Variants in TSC2 observed in about 807,000 individuals in gnomAD.
The protein encoded by TSC2 is tuberin.
Under a neutral mutation model 202.2 loss-of-function variants are expected in TSC2, and 29 were observed. The observed-to-expected ratio is 0.14, with a 90% confidence interval of 0.11 to 0.20. The LOEUF is 0.20. TSC2 is among the 10% of genes least tolerant of loss of function. The pLI is 1.00. For missense variants in TSC2, 2,429 were observed against 2,420.0 expected (o/e 1.00, Z -0.08); for synonymous variants, 1,349 against 1,044.0 (o/e 1.29, Z -5.63).
rs1205521065 is a variant in TSC2, at chr16:2,077,797, T to C, written c.2966+71T>C. ...CCGTGAGCACCTGGGTGGCAGTGCATGGGGCTGCTTGCATGACCTCATCGT... is the reference window on the plus strand; with the variant it reads ...CCGTGAGCACCTGGGTGGCAGTGCACGGGGCTGCTTGCATGACCTCATCGT... On this transcript the variant is annotated intron_variant, in intron 26 of 41. Coordinates refer to ENST00000219476, the MANE Select transcript of TSC2 (RefSeq NM_000548.5). 5 of 1,598,890 alleles carry C rather than the reference T, an allele frequency of 3.1e-6. No individual in the cohort carries two copies. The African/African-American group carries it at 6.7e-5, about 21-fold the overall frequency.
chr16:2,083,238 T>C, intron 32 of TSC2: 1 of 461,168 alleles, frequency 2.2e-6, no homozygotes, highest in Non-Finnish European at 4.3e-6. Context: ...GCTGTGGGTC[T>C]GGCTTGGAGT....
chr16:2,051,988 T>C (rs572688531), intron 3 of TSC2, among the ~76,000 whole-genome samples: 1 of 152,062 alleles, frequency 6.6e-6, no homozygotes, highest in Non-Finnish European at 1.5e-5. Flanking sequence ...TCGCTTAAAC[T>C]CAGGAGGCAG....
chr16:2,055,605 A>C (rs2085692011), intron 6 of TSC2, 86 bp downstream of exon 6: 9 of 1,332,034 alleles, frequency 6.8e-6, no homozygotes, highest in East Asian at 2.3e-5. Flanking sequence ...AAAAAAATAG[A>C]GGTTGGGCTG....
chr16:2,086,632 G>T, intron 37 of TSC2, 100 bp from the exon 38 acceptor site: 1 of 1,562,828 alleles, frequency 6.4e-7, no homozygotes. Flanking sequence ...GTCCCCGCAG[G>T]CCCCCAGAGC....
At chr16:2,062,211 C>G (rs1252993977) in intron 12 of TSC2, among the ~76,000 whole-genome samples, 1 of 152,248 alleles carries the variant, frequency 6.6e-6, no homozygotes, top group Non-Finnish European at 1.5e-5. Flanking sequence ...CATCAGTTTC[C>G]TCCCACCTGT....
chr16:2,088,021 C>A (rs2151618478), intron 39 of TSC2, 27 bp from the exon 40 acceptor site: 3 of 1,611,534 alleles, frequency 1.9e-6, no homozygotes, highest in Non-Finnish European at 2.5e-6. Flanking sequence ...GAGCCCTGGG[C>A]CTGGCGTGAC....
At chr16:2,064,880 G>C in intron 15 of TSC2, 1 of 247,004 alleles carries the variant, frequency 4.0e-6, no homozygotes, top group Non-Finnish European at 7.9e-6. Flanking sequence ...TTGGGAGGCT[G>C]AGGCAGGTGG....
intron 32 of TSC2, 83 bp downstream of exon 32, chr16:2,082,587 C>G: frequency 6.8e-7 from 1 of 1,469,318 alleles, no homozygotes; most frequent in Non-Finnish European, 9.4e-7. Flanking sequence ...CATCCGCCCA[C>G]CCCCATGGTC....
rs568282382 is a variant in TSC2 at position 2,056,841 on chromosome 16, A to G, written c.774+72A>G. On this transcript the variant is annotated intron_variant, in intron 8 of 41. Transcript: ENST00000219476. ...TGGGACAAGGGCCATCCTGTCTCCC[A>G]TGAATGGTTGTCTGATTCTTGGGGT... 33 of 1,597,066 alleles carry G rather than the reference A, an allele frequency of 2.1e-5. No homozygotes were observed. The African/African-American group carries it at 3.5e-4, about 17-fold the overall frequency.
intron 34 of TSC2, 62 bp downstream of exon 34, chr16:2,084,777 C>G: frequency 6.3e-7 from 1 of 1,598,580 alleles, no homozygotes; most frequent in Non-Finnish European, 8.5e-7. Flanking sequence ...TGGTGCCTCA[C>G]TTGCCCCAGG....
rs2151622840 is a variant in TSC2, at chr16:2,088,120, A to T, written c.5141A>T (p.Gln1714Leu). ...CGCAACCTGCCCTTCGTGGCCCGCC[A>T]GATGGCCCTGCACGCAAATGTGAGT... ...SDRNLPFVARQMALHANMASQ... is the reference protein window; with the variant it reads ...SDRNLPFVARLMALHANMASQ... The change falls in exon 40 of 42, where the codon CAG (glutamine) becomes CTG (leucine). Residue 1714 changes from glutamine to leucine, a missense_variant. Gln to Leu is a moderately radical substitution (Grantham distance 113). Coordinates refer to ENST00000219476, the MANE Select transcript of TSC2 (RefSeq NM_000548.5). 1 of 1,612,986 alleles carries T rather than the reference A, an allele frequency of 6.2e-7. No individual in the cohort carries two copies. The highest frequency in any genetic ancestry group is 8.5e-7 in the Non-Finnish European group (1 of 1,179,996).
intron 34 of TSC2, 44 bp from the exon 35 acceptor site, chr16:2,084,907 G>A (rs2090572399): frequency 1.2e-6 from 2 of 1,611,038 alleles, no homozygotes; most frequent in African/African-American, 2.7e-5. Context: ...TGGCTGCCCT[G>A]GCCAGGCCCT....
rs147899674 is a variant in TSC2 at position 2,052,827 on chromosome 16, C to T, written c.226-515C>T. 2.9e-3 allele frequency among the ~76,000 whole-genome samples: 440 copies of T among 152,272 alleles called. 6 individuals carry two copies. Among genetic ancestry groups the T allele is most frequent in the African/African-American group, 9.3e-3 (385 of 41,538 alleles). On this transcript the variant is annotated intron_variant, in intron 3 of 41. Transcript: ENST00000219476. Reference sequence around the variant, plus strand: ...AGAGGAGGCAGATTTCAGAAGGCCACGCAGCGCTCTTTCTCAGCAGGTCAG... The same window carrying T: ...AGAGGAGGCAGATTTCAGAAGGCCATGCAGCGCTCTTTCTCAGCAGGTCAG...
At chr16:2,086,149 C>G (rs770494687) in intron 36 of TSC2, 44 bp from the exon 37 acceptor site, 2 of 1,610,144 alleles carry the variant, frequency 1.2e-6, no homozygotes, top group Non-Finnish European at 1.7e-6. Context: ...GGGCAGGGCC[C>G]GGCCCGGGAG....
At chr16:2,076,375 G>A (rs1251142326) in intron 24 of TSC2, 116 bp from the exon 25 acceptor site, 31 of 1,576,490 alleles carry the variant, frequency 2.0e-5, no homozygotes, top group South Asian at 1.1e-4. Flanking sequence ...GCTGGGTGCC[G>A]CCGCCTTGCC....
rs1596280931 is a variant in TSC2, at chr16:2,057,177, A to G, written c.847A>G (p.Arg283Gly). 1 of 1,551,736 alleles carries G rather than the reference A, an allele frequency of 6.4e-7. No homozygotes were observed. Among genetic ancestry groups the G allele is most frequent in the Non-Finnish European group, 8.7e-7 (1 of 1,147,016 alleles). The change falls in exon 9 of 42, where the codon AGA (arginine) becomes GGA (glycine). Residue 283 changes from arginine to glycine, a missense_variant and splice_region_variant. Coordinates refer to ENST00000219476, the MANE Select transcript of TSC2 (RefSeq NM_000548.5). Reference sequence around the variant, plus strand: ...CAACATGTGCCACCTCATGGAGGACAGGTGAGTGTGGTGGGTGGGGCGCAG... The same window carrying G: ...CAACATGTGCCACCTCATGGAGGACGGGTGAGTGTGGTGGGTGGGGCGCAG... Reference protein sequence around the residue: ...IYNMCHLMEDRAYMEDAPLLR... With the variant: ...IYNMCHLMEDGAYMEDAPLLR...
chr16:2,054,692 C>A, intron 5 of TSC2: 2 of 570,408 alleles, frequency 3.5e-6, no homozygotes, highest in Non-Finnish European at 6.3e-6. Flanking sequence ...GGCCTCCGAA[C>A]ACCTCTGCAA....
At position 2,071,766 on chromosome 16, in the gene TSC2, C is replaced by T. The variant is rs1225503186; in HGVS notation, c.1947-18C>T. 6.2e-7 allele frequency: 1 copy of T among 1,603,474 alleles called. No individual in the cohort carries two copies. Among genetic ancestry groups the T allele is most frequent in the Admixed American group, 1.7e-5 (1 of 58,698 alleles). On this transcript the variant is annotated intron_variant, in intron 18 of 41. Coordinates refer to ENST00000219476, the MANE Select transcript of TSC2 (RefSeq NM_000548.5). Reference sequence around the variant, plus strand: ...TGCTGCGGGGACTTGGCCTCAGCTGCTTCTCTTGCTTCTGCAGGGAGCCAG... The same window carrying T: ...TGCTGCGGGGACTTGGCCTCAGCTGTTTCTCTTGCTTCTGCAGGGAGCCAG...
At chr16:2,081,482 G>C in intron 30 of TSC2, 113 bp from the exon 31 acceptor site, 1 of 1,338,704 alleles carries the variant, frequency 7.5e-7, no homozygotes. Flanking sequence ...CCTGAGGATT[G>C]TGGGAGGGAG....
Sources: gnomAD v4.1 joint callset for allele counts (sites outside exome capture counted in the v4.1 genomes callset) on GRCh38, gnomAD v4.1.1 for gene constraint, MANE v1.5 for transcripts, NCBI Gene and HGNC (gene_info 2026-07-23, HGNC 2026-07-21) for gene names.